NAA60: variants seen among roughly 807,000 people sequenced by gnomAD.
The protein encoded by NAA60 is N-alpha-acetyltransferase 60, NatF catalytic subunit, also known as N-alpha-acetyltransferase 60.
In NAA60, 8 loss-of-function variants were observed where a neutral mutation model predicts 26.1. The observed-to-expected ratio is 0.31, with a 90% CI of 0.18 to 0.55. NAA60 has a LOEUF of 0.55. Ranked by LOEUF, NAA60 falls within the 20% of genes least tolerant of loss-of-function variation. The pLI is 0.93. For missense variants in NAA60, 290 were observed against 311.3 expected, an observed-to-expected ratio of 0.93 and a Z score of 0.51; for synonymous variants, 131 against 122.5, an observed-to-expected ratio of 1.07 and a Z score of -0.46.
intron 2 of NAA60, among the ~76,000 whole-genome samples, chr16:3,461,388 G>C (rs1256348415): frequency 6.6e-6 from 1 of 152,118 alleles, no homozygotes; most frequent in East Asian, 1.9e-4. Flanking sequence ...GTCACCCCAA[G>C]GTGCCACAGC....
At chr16:3,458,626 G>C (rs1238404002) in intron 2 of NAA60, among the ~76,000 whole-genome samples, 2 of 152,206 alleles carry the variant, frequency 1.3e-5, no homozygotes, top group Non-Finnish European at 2.9e-5. Context: ...GTCAGGGCCT[G>C]TTTTGGTACT....
At chr16:3,455,326 C>T (rs1437542746) in intron 2 of NAA60, among the ~76,000 whole-genome samples, 4 of 152,028 alleles carry the variant, frequency 2.6e-5, no homozygotes, top group African/African-American at 9.7e-5. Flanking sequence ...CCGCGTCAGC[C>T]TCCCAAAGTG....
chr16:3,461,191 T>C (rs2035369639), intron 2 of NAA60, among the ~76,000 whole-genome samples: 2 of 152,204 alleles, frequency 1.3e-5, no homozygotes, highest in South Asian at 2.1e-4. Context: ...AACGGGCATA[T>C]AATAGGATTA....
rs777900426 is a variant in NAA60 at position 3,484,844 on chromosome 16, C to T, written c.718C>T (p.Arg240Trp). Residue 240 changes from arginine (R) to tryptophan (W), a missense_variant, in exon 7 of 8, where the codon CGG becomes TGG. Physicochemically the swap from Arg to Trp is moderately radical, Grantham distance 101. Transcript: ENST00000407558. The stretch of plus-strand genomic sequence containing the variant: ...TTCCAAGAGTGGCATCGAGTACAGC[C>T]GGACCATGTGATGTCGGCTGGGCAG... ...ISSKSGIEYSRTM is the reference protein window; with the variant it reads ...ISSKSGIEYSWTM 1.9e-6 allele frequency: 3 copies of T among 1,561,580 alleles called. No individual in the cohort carries two copies. The highest frequency in any genetic ancestry group is 1.4e-5 in the African/African-American group (1 of 73,418).
rs1340821265 is a variant in NAA60, at chr16:3,486,593, C to T, written c.*1333C>T. 6.6e-6 allele frequency: 1 copy of T among 152,408 alleles called. No individual in the cohort carries two copies. The highest frequency in any genetic ancestry group is 1.5e-5 in the Non-Finnish European group (1 of 68,184). The allele number at this position is 152,408 out of a possible 1,614,324, so 9.4% of individuals were successfully genotyped here. A position where few individuals can be genotyped will look rare whatever the true frequency, so the allele number is the denominator to read the frequency against. ...ACCAGGCAGGAGCAGCATCCCCCTC[C>T]TTGACGGTGCTGGCAGGAGGGCCGC... On this transcript the variant is annotated 3_prime_UTR_variant, in exon 8 of 8. Coordinates refer to ENST00000407558, the MANE Select transcript of NAA60 (RefSeq NM_001083601.3).
At chr16:3,483,670 G>T (rs981052867) in intron 6 of NAA60, 73 bp downstream of exon 6, 2 of 1,173,498 alleles carry the variant, frequency 1.7e-6, no homozygotes, top group Admixed American at 2.0e-5. Flanking sequence ...GAGCAAGTTG[G>T]AGCTGTGGTC....
At chr16:3,462,710 G>A (rs1002079264) in intron 2 of NAA60, 6 of 152,082 alleles carry the variant, frequency 3.9e-5, no homozygotes, top group African/African-American at 1.2e-4. Flanking sequence ...TAAGAAAAGC[G>A]TTTTTCTTGT....
chr16:3,474,197 C>T (rs953118925), intron 2 of NAA60, among the ~76,000 whole-genome samples: 9 of 152,220 alleles, frequency 5.9e-5, no homozygotes, highest in Non-Finnish European at 1.0e-4. Flanking sequence ...GAGCTGAGAA[C>T]CACACAAGTT....
rs1008521173 is a variant in NAA60, at chr16:3,484,457, G to A, written c.573-242G>A. ...GCATCCCTGGGTGTGGTGTCCACAT[G>A]CCTGCTGCCTCACTCAGAAGGCCCT... On this transcript the variant is annotated intron_variant, in intron 6 of 7. Coordinates refer to ENST00000407558, the MANE Select transcript of NAA60 (RefSeq NM_001083601.3). 4 of 580,978 alleles carry A rather than the reference G, an allele frequency of 6.9e-6. No individual in the cohort carries two copies. The African/African-American group carries it at 7.5e-5, about 11-fold the overall frequency. 36.0% of individuals were successfully genotyped at this position (580,978 alleles called of 1,614,324 possible). A position where few individuals can be genotyped will look rare whatever the true frequency, so the allele number is the denominator to read the frequency against.
chr16:3,448,997 T>C (rs1368265375), intron 2 of NAA60: 1 of 156,136 alleles, frequency 6.4e-6, no homozygotes, highest in Non-Finnish European at 1.4e-5. Flanking sequence ...TCTGTGGTGA[T>C]CCGTCTTACA....
chr16:3,473,789 C>A (rs1000526613), intron 2 of NAA60, among the ~76,000 whole-genome samples: 1 of 151,990 alleles, frequency 6.6e-6, no homozygotes, highest in African/African-American at 2.4e-5. Context: ...GCCTGGAGTG[C>A]AGTGGTGCGA....
intron 2 of NAA60, among the ~76,000 whole-genome samples, chr16:3,468,758 G>A (rs2035926917): frequency 6.6e-6 from 1 of 152,184 alleles, no homozygotes; most frequent in African/African-American, 2.4e-5. Flanking sequence ...TCGAGCCTTT[G>A]AAGCTCCAGG....
intron 2 of NAA60, among the ~76,000 whole-genome samples, chr16:3,468,526 G>A (rs11077341): frequency 0.061 from 9,358 of 152,246 alleles, 379 homozygotes; most frequent in Admixed American, 0.085. Context: ...TACCGTGTCC[G>A]GAGAGGTCAT....
chr16:3,483,645 G>C (rs769927288), intron 6 of NAA60, 48 bp downstream of exon 6: 1 of 1,479,174 alleles, frequency 6.8e-7, no homozygotes, highest in Admixed American at 1.8e-5. Context: ...CTGTCCATAA[G>C]GTGGCAGAGC....
rs1386282436 is a variant in NAA60 at position 3,443,718 on chromosome 16, C to T, written c.-196C>T. ...CGGGGTCTCCTCCGTGAGCTCCGGGCCTGTTTGCCTGCTGAAGTAGAGTCT... is the reference window on the plus strand; with the variant it reads ...CGGGGTCTCCTCCGTGAGCTCCGGGTCTGTTTGCCTGCTGAAGTAGAGTCT... On this transcript the variant is annotated 5_prime_UTR_variant, in exon 1 of 8. Coordinates refer to ENST00000407558, the MANE Select transcript of NAA60 (RefSeq NM_001083601.3). 4 of 1,472,174 alleles carry T rather than the reference C, an allele frequency of 2.7e-6. No individual in the cohort carries two copies. Among genetic ancestry groups the T allele is most frequent in the East Asian group, 2.6e-5 (1 of 38,456 alleles). 91.2% of individuals were successfully genotyped at this position (1,472,174 alleles called of 1,614,324 possible).
chr16:3,473,716 G>T (rs1296004374), intron 2 of NAA60, among the ~76,000 whole-genome samples: 1 of 147,238 alleles, frequency 6.8e-6, no homozygotes, highest in East Asian at 2.0e-4. Context: ...TTTTGTTGTT[G>T]TTGTTGTTGT....
chr16:3,482,144 C>T (rs575884235), intron 4 of NAA60, among the ~76,000 whole-genome samples: 3 of 152,332 alleles, frequency 2.0e-5, no homozygotes, highest in Admixed American at 1.3e-4. Flanking sequence ...AGGTGACATG[C>T]GTGCATTCCC....
intron 6 of NAA60, 110 bp downstream of exon 6, chr16:3,483,707 AG>A: frequency 1.2e-6 from 1 of 809,122 alleles, no homozygotes. Context: ...CAGGTGGCCA[AG>A]CTTATGGATG....
At chr16:3,470,267 A>G (rs2036043649) in intron 2 of NAA60, among the ~76,000 whole-genome samples, 1 of 152,158 alleles carries the variant, frequency 6.6e-6, no homozygotes, top group Non-Finnish European at 1.5e-5. Context: ...CTGGGGGAGC[A>G]GCTTCCCACC....
Sources: gnomAD v4.1 joint callset for allele counts (sites outside exome capture counted in the v4.1 genomes callset) on GRCh38, gnomAD v4.1.1 for gene constraint, MANE v1.5 for transcripts, NCBI Gene and HGNC (gene_info 2026-07-23, HGNC 2026-07-21) for gene names.